The following ADAP2 variants were observed in gnomAD, a reference collection of about 807,000 sequenced individuals.
The protein encoded by ADAP2 is arf-GAP with dual PH domain-containing protein 2.
A neutral mutation model predicts 54.9 loss-of-function variants in ADAP2; 42 were observed. The ratio of observed to expected loss-of-function variants is 0.77; its 90% CI spans 0.60 to 0.99. The LOEUF is 0.99. Among genes scored for constraint, ADAP2 ranks in the 50% least tolerant of loss-of-function variants. The pLI is 0.00. For synonymous variants in ADAP2, 177 were observed against 180.1 expected, an observed-to-expected ratio of 0.98 and a Z score of 0.14; for missense variants, 429 against 480.4, an observed-to-expected ratio of 0.89 and a Z score of 1.00.
chr17:30,929,461 C>T (rs139928267), intron 3 of ADAP2, among the ~76,000 whole-genome samples: 3 of 152,286 alleles, frequency 2.0e-5, no homozygotes, highest in Non-Finnish European at 2.9e-5. Flanking sequence ...GGCTTCCTGC[C>T]GGCACTAAAC....
chr17:30,949,015 G>C (rs977249492), intron 6 of ADAP2, among the ~76,000 whole-genome samples: 1 of 152,200 alleles, frequency 6.6e-6, no homozygotes, highest in Non-Finnish European at 1.5e-5. Context: ...AGCACTGTCC[G>C]AGGCCATTGC....
intron 5 of ADAP2, 51 bp downstream of exon 5, chr17:30,934,348 G>A (rs376732895): frequency 8.0e-6 from 10 of 1,252,764 alleles, no homozygotes; most frequent in East Asian, 2.4e-5. Context: ...ACTCTCACCC[G>A]ACTAAGGTCT....
chr17:30,929,308 A>C (rs1450179534), intron 3 of ADAP2, among the ~76,000 whole-genome samples: 1 of 152,110 alleles, frequency 6.6e-6, no homozygotes, highest in Non-Finnish European at 1.5e-5. Context: ...GTTTGAATCC[A>C]TTTCACTGTG....
At chr17:30,932,846 G>T (rs1163449199) in intron 4 of ADAP2, among the ~76,000 whole-genome samples, 1 of 152,100 alleles carries the variant, frequency 6.6e-6, no homozygotes, top group Non-Finnish European at 1.5e-5. Flanking sequence ...GGGACTACAG[G>T]CATGAGCCAC....
Position 30,951,658 on chromosome 17 carries a change from T to C in ADAP2, c.742-1630T>C, listed in dbSNP as rs893997651. ...ACCAATATTTTCTTTTCTTTTCTTT[T>C]TTTTTTTTTTTTTTTGAGACAGAGT... On this transcript the variant is annotated intron_variant, in intron 7 of 10. Coordinates refer to ENST00000330889, the MANE Select transcript of ADAP2 (RefSeq NM_018404.3). 4.8e-5 allele frequency among the ~76,000 whole-genome samples: 5 copies of C among 103,610 alleles called. No individual in the cohort carries two copies. In the South Asian group the frequency reaches 7.2e-4, roughly 15 times the overall value. The allele number at this position is 103,610 out of a possible 152,430, so 68.0% of individuals were successfully genotyped here.
intron 3 of ADAP2, among the ~76,000 whole-genome samples, chr17:30,927,780 G>A (rs1911174753): frequency 6.6e-6 from 1 of 152,102 alleles, no homozygotes; most frequent in East Asian, 1.9e-4. Flanking sequence ...AGCACTTTGG[G>A]AGGCTGAGGT....
At position 30,925,567 on chromosome 17, in the gene ADAP2, CTCTTTTCTTT is replaced by C. The variant is rs747916481; in HGVS notation, c.226-1244_226-1235del. Among the ~76,000 whole-genome samples the C allele has an allele frequency of 4.4e-3, 647 of 148,020 alleles. 3 individuals carry two copies. Among genetic ancestry groups the C allele is most frequent in the East Asian group, 0.018 (90 of 5,000 alleles). On this transcript the variant is annotated intron_variant, in intron 2 of 10. Coordinates refer to ENST00000330889, the MANE Select transcript of ADAP2 (RefSeq NM_018404.3). ...CTTCTTCCTTCTTCTTCTTCTTCTT[CTCTTTTCTTT>C]TCTTTTCTTTTCTTTCTTTCTTTTT...
At chr17:30,957,719 C>T in intron 10 of ADAP2, 116 bp from the exon 11 acceptor site, 2 of 998,906 alleles carry the variant, frequency 2.0e-6, no homozygotes, top group African/African-American at 1.6e-5. Flanking sequence ...GCATGAGCCA[C>T]TGTGCCCGGC....
chr17:30,933,210 C>G (rs970227091), intron 4 of ADAP2, among the ~76,000 whole-genome samples: 1 of 152,194 alleles, frequency 6.6e-6, no homozygotes, highest in Non-Finnish European at 1.5e-5. Context: ...TTTATTGAGT[C>G]AGGGTCTCAC....
chr17:30,932,860 G>A (rs1356270678), intron 4 of ADAP2, among the ~76,000 whole-genome samples: 1 of 152,078 alleles, frequency 6.6e-6, no homozygotes, highest in Non-Finnish European at 1.5e-5. Context: ...GAGCCACCGC[G>A]CCCAGCATCA....
intron 3 of ADAP2, among the ~76,000 whole-genome samples, chr17:30,930,063 T>TA (rs1911361005): frequency 6.7e-6 from 1 of 150,124 alleles, no homozygotes; most frequent in South Asian, 2.1e-4. Context: ...TTTATTTATT[T>TA]ATTTATTTAT....
intron 2 of ADAP2, 65 bp from the exon 3 acceptor site, chr17:30,926,762 C>A: frequency 7.1e-7 from 1 of 1,413,566 alleles, no homozygotes; most frequent in Non-Finnish European, 1.0e-6. Flanking sequence ...AAGTCAGTGG[C>A]CTCATAGTTT....
At chr17:30,939,692 A>AGCCT (rs1912124249) in intron 5 of ADAP2, among the ~76,000 whole-genome samples, 3 of 150,788 alleles carry the variant, frequency 2.0e-5, no homozygotes, top group Non-Finnish European at 2.9e-5. Context: ...AATGGCCCGA[A>AGCCT]CCTGGGAGGC....
intron 3 of ADAP2, among the ~76,000 whole-genome samples, chr17:30,931,649 C>A (rs1224971099): frequency 1.3e-5 from 2 of 151,754 alleles, no homozygotes; most frequent in East Asian, 3.9e-4. Context: ...AGGGAGACCC[C>A]CATCTCTACA....
At chr17:30,951,507 TA>T (rs1394700824) in intron 7 of ADAP2, among the ~76,000 whole-genome samples, 2 of 152,036 alleles carry the variant, frequency 1.3e-5, no homozygotes, top group African/African-American at 4.8e-5. Context: ...AATTTTTTTT[TA>T]ATTTTTTATA....
At position 30,957,948 on chromosome 17, in the gene ADAP2, C is replaced by T; in HGVS notation, c.*79C>T. 7.2e-7 allele frequency: 1 copy of T among 1,391,922 alleles called. No homozygotes were observed. Among genetic ancestry groups the T allele is most frequent in the Non-Finnish European group, 1.0e-6 (1 of 994,330 alleles). The allele number at this position is 1,391,922 out of a possible 1,614,324, so 86.2% of individuals were successfully genotyped here. On this transcript the variant is annotated 3_prime_UTR_variant, in exon 11 of 11. Coordinates refer to ENST00000330889, the MANE Select transcript of ADAP2 (RefSeq NM_018404.3). Reference sequence around the variant, plus strand: ...GAAGTTTGCACCTCGGCCCTGGCTGCCCACCATCAGTGCCCCGCAGTCAGC... The same window carrying T: ...GAAGTTTGCACCTCGGCCCTGGCTGTCCACCATCAGTGCCCCGCAGTCAGC...
intron 3 of ADAP2, among the ~76,000 whole-genome samples, chr17:30,930,934 C>T (rs541393627): frequency 6.6e-6 from 1 of 152,298 alleles, no homozygotes; most frequent in Admixed American, 6.5e-5. Flanking sequence ...CTCTCAACAA[C>T]CCTGAGGGCT....
chr17:30,939,689 C>T (rs372738151), intron 5 of ADAP2, among the ~76,000 whole-genome samples: 13 of 150,292 alleles, frequency 8.6e-5, no homozygotes, highest in South Asian at 2.1e-4. Flanking sequence ...GAGAATGGCC[C>T]GAACCTGGGA....
chr17:30,952,883 G>T (rs1365287020), intron 7 of ADAP2, among the ~76,000 whole-genome samples: 1 of 152,122 alleles, frequency 6.6e-6, no homozygotes, highest in Non-Finnish European at 1.5e-5. Flanking sequence ...CCTTCTCTGT[G>T]GCCTGGTTTC....
Sources: gnomAD v4.1 joint callset for allele counts (sites outside exome capture counted in the v4.1 genomes callset) on GRCh38, gnomAD v4.1.1 for gene constraint, MANE v1.5 for transcripts, NCBI Gene and HGNC (gene_info 2026-07-23, HGNC 2026-07-21) for gene names.